Variants in PXDNL observed in about 807,000 individuals in gnomAD.
PXDNL encodes the protein peroxidasin like.
In PXDNL, 145 loss-of-function variants were observed where a neutral mutation model predicts 150.8. The observed-to-expected ratio is 0.96, with a 90% confidence interval of 0.84 to 1.10. The LOEUF is 1.10. Ranked by LOEUF, PXDNL falls within the 50% of genes least tolerant of loss-of-function variation. PXDNL has a pLI of 0.00. For missense variants in PXDNL, 2,087 were observed against 1,873.9 expected, an observed-to-expected ratio of 1.11 and a Z score of -2.10; for synonymous variants, 757 against 725.7, an observed-to-expected ratio of 1.04 and a Z score of -0.69.
At chr8:51,447,532 A>G (rs756134492) in intron 11 of PXDNL, among the ~76,000 whole-genome samples, 1 of 152,204 alleles carries the variant, frequency 6.6e-6, no homozygotes, top group Admixed American at 6.5e-5. Flanking sequence ...TATCATGTGT[A>G]TGCAATATTT....
intron 14 of PXDNL, among the ~76,000 whole-genome samples, chr8:51,417,902 C>T (rs569804650): frequency 2.6e-5 from 4 of 152,254 alleles, no homozygotes; most frequent in African/African-American, 9.6e-5. Context: ...ACTGTTTTTT[C>T]AGAGACTGGA....
At chr8:51,392,739 C>G (rs979330941) in intron 17 of PXDNL, among the ~76,000 whole-genome samples, 6 of 152,190 alleles carry the variant, frequency 3.9e-5, no homozygotes, top group African/African-American at 1.2e-4. Context: ...ATTTCCTTCT[C>G]CTGCCTAATT....
At chr8:51,633,620 G>C (rs749419430) in intron 2 of PXDNL, among the ~76,000 whole-genome samples, 1 of 152,036 alleles carries the variant, frequency 6.6e-6, no homozygotes, top group Non-Finnish European at 1.5e-5. Flanking sequence ...CTGCATTCTA[G>C]CCTGTGTGAC....
intron 21 of PXDNL, among the ~76,000 whole-genome samples, chr8:51,323,990 T>C (rs1396339062): frequency 6.6e-6 from 1 of 151,348 alleles, no homozygotes; most frequent in East Asian, 1.9e-4. Context: ...GTATAAGAAA[T>C]ACAGTGCGTG....
At chr8:51,697,379 C>T (rs28616568) in intron 1 of PXDNL, among the ~76,000 whole-genome samples, 115,254 of 151,954 alleles carry the variant, frequency 0.76, 43,770 homozygotes, top group East Asian at 0.82. Context: ...TTTTTATTTT[C>T]AAAAGATTCA....
In PXDNL at chr8:51,447,018, G is replaced by T. The variant is rs1191513154; in HGVS notation, c.1511C>A (p.Thr504Asn). The T allele has an allele frequency of 6.2e-7, 1 of 1,613,778 alleles. No homozygotes were observed. The highest frequency in any genetic ancestry group is 8.5e-7 in the Non-Finnish European group (1 of 1,179,882). ...LGVKKVSVQL[T>N]VKPKALAVFT... is the part of the protein sequence containing the mutation. ...GTATATATTACCTTTGGGTTTTACA[G>T]TCAGCTGCACAGACACCTTTTTCAC... is the stretch of plus-strand genomic sequence containing the variant. The change falls in exon 12 of 23, where the codon ACT (threonine) becomes AAT (asparagine). Residue 504 changes from threonine (T) to asparagine (N), a missense_variant. By Grantham distance (65) the Thr-to-Asn change is moderately conservative (BLOSUM62 0). Coordinates refer to ENST00000356297, the MANE Select transcript of PXDNL (RefSeq NM_144651.5).
At chr8:51,602,061 C>T (rs1343274199) in intron 2 of PXDNL, among the ~76,000 whole-genome samples, 1 of 151,870 alleles carries the variant, frequency 6.6e-6, no homozygotes, top group Non-Finnish European at 1.5e-5. Context: ...CCAAACTCTC[C>T]TCACTTGCAA....
At chr8:51,558,068 C>G (rs1812633475) in intron 3 of PXDNL, among the ~76,000 whole-genome samples, 1 of 152,060 alleles carries the variant, frequency 6.6e-6, no homozygotes, top group South Asian at 2.1e-4. Flanking sequence ...ATTCTAGAAC[C>G]ATGTTTCTTC....
chr8:51,541,264 A>G (rs1049710257), intron 4 of PXDNL, among the ~76,000 whole-genome samples: 3 of 151,796 alleles, frequency 2.0e-5, no homozygotes, highest in Admixed American at 6.6e-5. Context: ...AAAAAAAAAA[A>G]AAAAAAGAAT....
chr8:51,749,598 A>G (rs967649738), intron 1 of PXDNL, among the ~76,000 whole-genome samples: 1 of 152,240 alleles, frequency 6.6e-6, no homozygotes, highest in Admixed American at 6.5e-5. Context: ...GCTCAGCGTG[A>G]GTCAGTGATT....
chr8:51,607,854 GAGGAAGGA>G (rs143544585), intron 2 of PXDNL, among the ~76,000 whole-genome samples: 2,163 of 72,566 alleles, frequency 0.03, 78 homozygotes, highest in Middle Eastern at 0.062. Context: ...AAAAGGAAGA[GAGGAAGGA>G]AGGAAGGAAG....
At chr8:51,422,457 T>A (rs913748216) in intron 14 of PXDNL, among the ~76,000 whole-genome samples, 1 of 152,306 alleles carries the variant, frequency 6.6e-6, no homozygotes, top group Admixed American at 6.5e-5. Flanking sequence ...AGTATTCATA[T>A]GATAGGAAAA....
At chr8:51,534,081 C>A (rs371752611) in intron 4 of PXDNL, among the ~76,000 whole-genome samples, 3,588 of 131,258 alleles carry the variant, frequency 0.027, 142 homozygotes, top group African/African-American at 0.081. Context: ...GGAAGTGAGG[C>A]GTGTCTCTGC....
At chr8:51,454,981 C>T (rs1266905241) in intron 9 of PXDNL, among the ~76,000 whole-genome samples, 1 of 96,300 alleles carries the variant, frequency 1.0e-5, no homozygotes, top group East Asian at 2.2e-4. Flanking sequence ...CGGTGGCGGG[C>T]GCCTGTAGTC....
chr8:51,773,099 T>C (rs1019434793), intron 1 of PXDNL, among the ~76,000 whole-genome samples: 2 of 152,192 alleles, frequency 1.3e-5, no homozygotes, highest in Non-Finnish European at 1.5e-5. Context: ...GATAATAGGA[T>C]GAACTATGGA....
chr8:51,680,255 A>G (rs73678947), intron 1 of PXDNL, among the ~76,000 whole-genome samples: 4,399 of 152,238 alleles, frequency 0.029, 232 homozygotes, highest in African/African-American at 0.1. Context: ...TGTGGGGTGC[A>G]TGTGGCTTGG....
In PXDNL at chr8:51,408,129, A is replaced by G. The variant is rs1361408977; in HGVS notation, c.3495T>C (p.Val1165=). 2.5e-6 allele frequency: 4 copies of G among 1,612,968 alleles called. No individual in the cohort carries two copies. In the East Asian group the frequency reaches 8.9e-5, roughly 36 times the overall value. The change falls in exon 17 of 23, where the codon GTT becomes GTC. Residue 1165 remains valine, a synonymous_variant. Coordinates refer to ENST00000356297, the MANE Select transcript of PXDNL (RefSeq NM_144651.5). ...DFRVFCNLTS[V]KNFEDLQNEI... ...CATTTTGAAGATCCTCAAAGTTCTT[A>G]ACTGAAGTCAAATTACAGAAAACTC...
chr8:51,556,813 T>G, intron 4 of PXDNL, 27 bp downstream of exon 4: 1 of 1,239,140 alleles, frequency 8.1e-7, no homozygotes. Context: ...CCATGAGTGA[T>G]TTAATAAAAA....
intron 1 of PXDNL, among the ~76,000 whole-genome samples, chr8:51,781,133 T>TACAGC (rs948995414): frequency 2.2e-4 from 33 of 152,338 alleles, no homozygotes; most frequent in African/African-American, 7.5e-4. Flanking sequence ...CTTAGGGGTC[T>TACAGC]ACAGCACATA....
Sources: gnomAD v4.1 joint callset for allele counts (sites outside exome capture counted in the v4.1 genomes callset) on GRCh38, gnomAD v4.1.1 for gene constraint, MANE v1.5 for transcripts, NCBI Gene and HGNC (gene_info 2026-07-23, HGNC 2026-07-21) for gene names.